The following HDGFL2 variants were observed in gnomAD, a reference collection of about 807,000 sequenced individuals.
HDGFL2 encodes hepatoma-derived growth factor-related protein 2.
HDGFL2 carries 36 observed loss-of-function variants against 77.1 expected under a neutral mutation model. The observed-to-expected ratio is 0.47, with a 90% CI of 0.36 to 0.62. HDGFL2 has a LOEUF of 0.62. HDGFL2 is among the 20% of genes least tolerant of loss of function. The pLI, the probability that HDGFL2 is intolerant of heterozygous loss-of-function variation, is 0.00. For missense variants in HDGFL2, 976 were observed against 973.4 expected, an observed-to-expected ratio of 1.00 and a Z score of -0.04; for synonymous variants, 463 against 413.1, an observed-to-expected ratio of 1.12 and a Z score of -1.46.
At chr19:4,472,694 G>A (rs1208549700) in intron 1 of HDGFL2, among the ~76,000 whole-genome samples, 3 of 150,882 alleles carry the variant, frequency 2.0e-5, no homozygotes, top group African/African-American at 4.9e-5. Flanking sequence ...AGGGATCCTG[G>A]GCCTCAGGGA....
chr19:4,490,283 C>T (rs1975473384), intron 4 of HDGFL2, among the ~76,000 whole-genome samples: 1 of 152,198 alleles, frequency 6.6e-6, no homozygotes, highest in African/African-American at 2.4e-5. Flanking sequence ...GACGGGGTTT[C>T]TCCATGTTGG....
chr19:4,478,750 C>T (rs11671728), intron 3 of HDGFL2, among the ~76,000 whole-genome samples: 39 of 151,570 alleles, frequency 2.6e-4, no homozygotes, highest in Non-Finnish European at 4.1e-4. Flanking sequence ...GGTGCGACCT[C>T]GGCTCACTGC....
intron 4 of HDGFL2, 76 bp downstream of exon 4, chr19:4,488,952 C>CT (rs34663282): frequency 0.034 from 23,560 of 700,078 alleles, 4 homozygotes; most frequent in Non-Finnish European, 0.038. Context: ...CTCTCCTGCC[C>CT]TTTTTTTTTT....
chr19:4,484,922 C>T (rs550524010), intron 3 of HDGFL2, among the ~76,000 whole-genome samples: 9 of 152,010 alleles, frequency 5.9e-5, no homozygotes, highest in East Asian at 3.9e-4. Context: ...CTGCCCGCCT[C>T]GGCCTCCCAA....
intron 1 of HDGFL2, among the ~76,000 whole-genome samples, chr19:4,474,335 G>A (rs1975015911): frequency 6.6e-6 from 1 of 152,164 alleles, no homozygotes; most frequent in Non-Finnish European, 1.5e-5. Context: ...GAGAAGCGGG[G>A]CTGTGAGGCA....
At chr19:4,493,898 C>A in intron 7 of HDGFL2, 36 bp downstream of exon 7, 3 of 1,511,462 alleles carry the variant, frequency 2.0e-6, no homozygotes, top group South Asian at 1.3e-5. Context: ...CTTGGCCTGG[C>A]CCCTGCCGGG....
At chr19:4,497,040 A>G in intron 10 of HDGFL2, 1 of 397,394 alleles carries the variant, frequency 2.5e-6, no homozygotes, top group South Asian at 1.8e-5. Flanking sequence ...ACGCCTGGCT[A>G]ATTTTTGTTG....
chr19:4,491,570 C>T lies in HDGFL2; in HGVS notation c.494C>T (p.Ser165Leu), dbSNP rs375013451. 1.6e-5 allele frequency: 26 copies of T among 1,613,418 alleles called. No homozygotes were observed. Among genetic ancestry groups the T allele is most frequent in the African/African-American group, 9.3e-5 (7 of 74,992 alleles). The change falls in exon 5 of 16, where the codon TCG becomes TTG. Residue 165 changes from serine (S) to leucine (L), a missense_variant. By Grantham distance (145) the Ser-to-Leu change is moderately radical. Transcript: ENST00000616600. ...TTCAGGCCGTTCCCCTTCCAGATGT[C>T]GGTCTCGAAACGAGCCCGAAAGGCC... ...LKRKTPALKM[S>L]VSKRARKASS...
chr19:4,475,186 C>A, intron 1 of HDGFL2, 89 bp from the exon 2 acceptor site: 1 of 1,117,490 alleles, frequency 8.9e-7, no homozygotes, highest in Non-Finnish European at 1.3e-6. Context: ...CTCCTCCCAG[C>A]GTGATTTGCC....
In HDGFL2 at chr19:4,488,819, A is replaced by G. The variant is rs752137290; in HGVS notation, c.432A>G (p.Ser144=). 2.6e-5 allele frequency: 40 copies of G among 1,551,604 alleles called. 1 individual carries two copies. The South Asian group carries it at 4.4e-4, about 17-fold the overall frequency. Residue 144 remains serine, a synonymous_variant, in exon 4 of 16, where the codon TCA becomes TCG. Coordinates refer to ENST00000616600, the MANE Select transcript of HDGFL2 (RefSeq NM_001001520.3). The part of the protein sequence containing the change: ...TAASDRMESD[S]DSDKSSDNSG... ...CCAGCGACAGGATGGAGAGCGACTC[A>G]GACTCAGACAAGAGTAGCGACAACA...
chr19:4,499,920 A>G (rs528860927), intron 14 of HDGFL2, among the ~76,000 whole-genome samples: 66 of 152,340 alleles, frequency 4.3e-4, no homozygotes, highest in South Asian at 8.3e-4. Flanking sequence ...GGCAGCCAGC[A>G]TGCAGGTAAC....
chr19:4,500,150 G>A lies in HDGFL2; in HGVS notation c.1789+446G>A, dbSNP rs114823849. 8.4e-3 allele frequency among the ~76,000 whole-genome samples: 1,280 copies of A among 152,368 alleles called. 15 individuals carry two copies. Among genetic ancestry groups the A allele is most frequent in the African/African-American group, 0.027 (1,111 of 41,588 alleles). ...ACAGGAGATGAGGTGTGACCCTCGGGGCTGCTGGCTGTGGGGCTACTGGGC... is the reference window on the plus strand; with the variant it reads ...ACAGGAGATGAGGTGTGACCCTCGGAGCTGCTGGCTGTGGGGCTACTGGGC... On this transcript the variant is annotated intron_variant, in intron 14 of 15. Transcript: ENST00000616600.
chr19:4,496,180 C>T, intron 9 of HDGFL2, 122 bp from the exon 10 acceptor site: 3 of 788,212 alleles, frequency 3.8e-6, no homozygotes, highest in Non-Finnish European at 6.5e-6. Flanking sequence ...GCCCCAGCAC[C>T]TTCAAACAGT....
intron 1 of HDGFL2, among the ~76,000 whole-genome samples, chr19:4,472,889 C>T (rs1270508466): frequency 6.8e-6 from 1 of 146,918 alleles, no homozygotes; most frequent in South Asian, 2.2e-4. Flanking sequence ...GCAGGAGCCG[C>T]GCCCCGGGGT....
At chr19:4,499,794 C>G (rs1183113283) in intron 14 of HDGFL2, 90 bp downstream of exon 14, 2 of 1,049,130 alleles carry the variant, frequency 1.9e-6, no homozygotes, top group Non-Finnish European at 2.7e-6. Context: ...GGGAGTACAG[C>G]TCTACTCTCT....
At chr19:4,476,710 G>A (rs1385164478) in intron 3 of HDGFL2, among the ~76,000 whole-genome samples, 2 of 151,046 alleles carry the variant, frequency 1.3e-5, no homozygotes, top group Non-Finnish European at 2.9e-5. Context: ...ATGAGTGTCT[G>A]GAAATAGTCA....
Position 4,494,023 on chromosome 19 carries a change from C to T in HDGFL2, c.880C>T (p.Pro294Ser). 6.2e-7 allele frequency: 1 copy of T among 1,611,500 alleles called. No homozygotes were observed. Among genetic ancestry groups the T allele is most frequent in the African/African-American group, 1.3e-5 (1 of 75,036 alleles). Residue 294 changes from proline to serine, a missense_variant, in exon 8 of 16, where the codon CCT (proline) becomes TCT (serine). By Grantham distance (74) the Pro-to-Ser change is moderately conservative (BLOSUM62 -1). Around this residue, in one of 5 missense-constraint regions of HDGFL2, gnomAD observed 567 missense variants for 534.7 expected, o/e 1.06. Coordinates refer to ENST00000616600, the MANE Select transcript of HDGFL2 (RefSeq NM_001001520.3). The stretch of plus-strand genomic sequence containing the variant: ...GAAGCCGCGAGGGCGGAAACCGAAG[C>T]CTGAACGGCCTCCGTCCAGCTCCAG... ...LPKPRGRKPK[P>S]ERPPSSSSSD...
At chr19:4,473,169 G>C (rs1272444197) in intron 1 of HDGFL2, among the ~76,000 whole-genome samples, 1 of 148,830 alleles carries the variant, frequency 6.7e-6, no homozygotes, top group Non-Finnish European at 1.5e-5. Context: ...CACTCTGGGG[G>C]AATGGCGGTC....
chr19:4,473,632 CA>C (rs148176394), intron 1 of HDGFL2, among the ~76,000 whole-genome samples: 327 of 114,018 alleles, frequency 2.9e-3, no homozygotes, highest in African/African-American at 0.011. Flanking sequence ...AGGAGGCAGT[CA>C]GGGGGGAAGG....
Sources: allele counts gnomAD v4.1 joint callset (sites outside exome capture counted in the v4.1 genomes callset), GRCh38; gene constraint gnomAD v4.1.1; regional missense constraint gnomAD v4.1.1; transcripts MANE v1.5; gene names NCBI Gene and HGNC (gene_info 2026-07-23, HGNC 2026-07-21).